COL21A1: variants seen among roughly 807,000 people sequenced by gnomAD.
The protein encoded by COL21A1 is collagen alpha-1(XXI) chain.
COL21A1 carries 149 observed loss-of-function variants against 137.9 expected under a neutral mutation model. The ratio of observed to expected loss-of-function variants is 1.08; its 90% CI spans 0.95 to 1.24. The LOEUF (loss-of-function observed/expected upper bound fraction) is 1.24. Ranked by LOEUF, COL21A1 falls within the 50% of genes most tolerant of loss-of-function variation. The probability of loss-of-function intolerance (pLI) is 0.00; values close to 1 mark genes in which losing one functional copy is unlikely to be tolerated. For synonymous variants in COL21A1, 456 were observed against 391.5 expected, an observed-to-expected ratio of 1.16 and a Z score of -1.95; for missense variants, 1,167 against 1,158.4, an observed-to-expected ratio of 1.01 and a Z score of -0.11.
At chr6:56,091,243 A>T (rs1768786730) in intron 17 of COL21A1, among the ~76,000 whole-genome samples, 1 of 152,170 alleles carries the variant, frequency 6.6e-6, no homozygotes, top group African/African-American at 2.4e-5. Context: ...TAAACAAAAG[A>T]TCTACTTGTC....
intron 16 of COL21A1, among the ~76,000 whole-genome samples, chr6:56,116,051 A>G (rs1771890284): frequency 6.6e-6 from 1 of 152,100 alleles, no homozygotes; most frequent in Non-Finnish European, 1.5e-5. Flanking sequence ...GGCAAATCTA[A>G]GAGTTATTGG....
intron 1 of COL21A1, among the ~76,000 whole-genome samples, chr6:56,345,621 T>C (rs185780681): frequency 1.3e-5 from 2 of 152,322 alleles, no homozygotes; most frequent in South Asian, 4.1e-4. Context: ...GCCTGATCGC[T>C]ACATCTTCCT....
In COL21A1 at chr6:56,057,528, A is replaced by C. The variant is rs1483946498; in HGVS notation, c.*129T>G. On this transcript the variant is annotated 3_prime_UTR_variant, in exon 30 of 30. Coordinates refer to ENST00000244728, the MANE Select transcript of COL21A1 (RefSeq NM_030820.4). ...GTGATCTTTTATATTTTTTTCCATA[A>C]GAAAAAAAAAATAAAAACACCGAGG... The C allele has an allele frequency of 8.2e-6, 7 of 850,130 alleles. No homozygotes were observed. Among genetic ancestry groups the C allele is most frequent in the East Asian group, 2.7e-5 (1 of 36,852 alleles). 52.7% of individuals were successfully genotyped at this position (850,130 alleles called of 1,614,324 possible). A position where few individuals can be genotyped will look rare whatever the true frequency, so the allele number is the denominator to read the frequency against.
intron 1 of COL21A1, among the ~76,000 whole-genome samples, chr6:56,291,197 T>A (rs7740500): frequency 0.014 from 2,073 of 152,268 alleles, 21 homozygotes; most frequent in South Asian, 0.025. Flanking sequence ...AAAGTAAAAC[T>A]CTAACAATAT....
intron 1 of COL21A1, among the ~76,000 whole-genome samples, chr6:56,310,919 C>A (rs1020893774): frequency 5.3e-5 from 8 of 151,756 alleles, no homozygotes; most frequent in Admixed American, 2.0e-4. Flanking sequence ...ACTATTTGAC[C>A]CATAAGCATA....
At chr6:56,219,082 A>T (rs185570216) in intron 1 of COL21A1, among the ~76,000 whole-genome samples, 1 of 151,972 alleles carries the variant, frequency 6.6e-6, no homozygotes, top group Non-Finnish European at 1.5e-5. Context: ...CTATGCAACA[A>T]CAATGAACCA....
chr6:56,206,752 C>T (rs934417367), intron 1 of COL21A1, among the ~76,000 whole-genome samples: 15 of 145,638 alleles, frequency 1.0e-4, no homozygotes, highest in Admixed American at 2.8e-4. Context: ...ATCAGCACCA[C>T]ATCACACTTA....
intron 1 of COL21A1, among the ~76,000 whole-genome samples, chr6:56,336,372 G>T (rs1243727903): frequency 6.6e-6 from 1 of 152,138 alleles, no homozygotes; most frequent in East Asian, 1.9e-4. Flanking sequence ...CGAAGATATG[G>T]AGTATCCTGT....
rs1768275984 is a variant in COL21A1 at position 56,086,656 on chromosome 6, A to G, written c.1813-9083T>C. ...AAGGGGTGACAGAGACAGATGTGGA[A>G]GGGGTAAAAGGGGAAGCAGGAAAGG... On this transcript the variant is annotated intron_variant, in intron 17 of 29. Coordinates refer to ENST00000244728, the MANE Select transcript of COL21A1 (RefSeq NM_030820.4). Among the ~76,000 whole-genome samples the G allele has an allele frequency of 2.0e-5, 3 of 152,076 alleles. No individual in the cohort carries two copies. The South Asian group carries it at 6.2e-4, about 32-fold the overall frequency.
chr6:56,131,604 A>G (rs1303435630), intron 12 of COL21A1, among the ~76,000 whole-genome samples: 2 of 152,096 alleles, frequency 1.3e-5, no homozygotes, highest in African/African-American at 4.8e-5. Flanking sequence ...AATCCTGTCA[A>G]GCTGGACAGT....
chr6:56,291,527 T>C (rs1764043640), intron 1 of COL21A1, among the ~76,000 whole-genome samples: 1 of 152,148 alleles, frequency 6.6e-6, no homozygotes, highest in Non-Finnish European at 1.5e-5. Context: ...GAGCACAAAG[T>C]AGTGGGTGCT....
chr6:56,224,126 C>T (rs1781042706), intron 1 of COL21A1, among the ~76,000 whole-genome samples: 1 of 152,110 alleles, frequency 6.6e-6, no homozygotes, highest in Non-Finnish European at 1.5e-5. Flanking sequence ...CCATGACACA[C>T]ACCCACTATG....
chr6:56,167,073 G>T, intron 6 of COL21A1, 90 bp from the exon 7 acceptor site: 5 of 850,020 alleles, frequency 5.9e-6, no homozygotes, highest in South Asian at 4.4e-5. Flanking sequence ...ATCCACTATG[G>T]TTAGTAATTG....
intron 10 of COL21A1, 119 bp from the exon 11 acceptor site, chr6:56,142,102 C>G (rs143604119): frequency 3.2e-4 from 220 of 686,266 alleles, no homozygotes; most frequent in Non-Finnish European, 5.0e-4. Flanking sequence ...CACTTAGAGA[C>G]AAATCCAAAA....
chr6:56,205,219 G>T (rs1779682672), intron 1 of COL21A1, among the ~76,000 whole-genome samples: 1 of 152,110 alleles, frequency 6.6e-6, no homozygotes, highest in South Asian at 2.1e-4. Flanking sequence ...CCCAAAGCAA[G>T]GAAGCTAAGA....
At chr6:56,065,842 A>G (rs1766195471) in intron 23 of COL21A1, among the ~76,000 whole-genome samples, 1 of 152,112 alleles carries the variant, frequency 6.6e-6, no homozygotes, top group South Asian at 2.1e-4. Flanking sequence ...GCAGATATAT[A>G]GCTTAGCTAT....
chr6:56,297,429 C>CT (rs1158784041), intron 1 of COL21A1, among the ~76,000 whole-genome samples: 2 of 152,076 alleles, frequency 1.3e-5, no homozygotes, highest in Non-Finnish European at 2.9e-5. Context: ...CAGTAGTCCT[C>CT]TGGACTTACA....
At chr6:56,111,125 C>T (rs1460839933) in intron 16 of COL21A1, among the ~76,000 whole-genome samples, 1 of 146,450 alleles carries the variant, frequency 6.8e-6, no homozygotes, top group African/African-American at 2.5e-5. Flanking sequence ...ATAAAAAGGA[C>T]ACTTGAACCC....
intron 1 of COL21A1, among the ~76,000 whole-genome samples, chr6:56,208,212 G>C (rs1275955697): frequency 6.6e-6 from 1 of 152,018 alleles, no homozygotes; most frequent in East Asian, 1.9e-4. Context: ...AAAAAATAAA[G>C]GGTATTCAAA....
Sources: allele counts gnomAD v4.1 joint callset (sites outside exome capture counted in the v4.1 genomes callset), GRCh38; gene constraint gnomAD v4.1.1; transcripts MANE v1.5; gene names NCBI Gene and HGNC (gene_info 2026-07-23, HGNC 2026-07-21).